The following SUCLG2 variants were observed in gnomAD, a reference collection of about 807,000 sequenced individuals.
SUCLG2 encodes succinate-CoA ligase GDP-forming subunit beta.
In SUCLG2, 42 loss-of-function variants were observed where a neutral mutation model predicts 47.9. The ratio of observed to expected loss-of-function variants is 0.88; its 90% CI spans 0.69 to 1.14. The LOEUF (loss-of-function observed/expected upper bound fraction) is 1.14. SUCLG2 is among the 50% of genes most tolerant of loss of function. The pLI, the probability that SUCLG2 is intolerant of heterozygous loss-of-function variation, is 0.00. For synonymous variants in SUCLG2, 195 were observed against 197.3 expected (o/e 0.99, Z 0.10); for missense variants, 571 against 525.9 (o/e 1.09, Z -0.84).
chr3:67,515,473 G>A (rs1299615609), intron 6 of SUCLG2, among the ~76,000 whole-genome samples: 2 of 152,076 alleles, frequency 1.3e-5, no homozygotes, highest in Non-Finnish European at 2.9e-5. Context: ...CTTTATTTTT[G>A]TTATGTCTAA....
chr3:67,560,047 T>A (rs116430848), intron 2 of SUCLG2, among the ~76,000 whole-genome samples: 1 of 152,138 alleles, frequency 6.6e-6, no homozygotes, highest in Non-Finnish European at 1.5e-5. Flanking sequence ...AAAAATTAAA[T>A]CTTTAAAATA....
intron 1 of SUCLG2, among the ~76,000 whole-genome samples, chr3:67,649,922 G>A (rs950536895): frequency 6.6e-6 from 1 of 152,160 alleles, no homozygotes; most frequent in Admixed American, 6.5e-5. Context: ...TGCAGAACTA[G>A]ACCAGGGTAC....
At chr3:67,652,264 C>CT (rs1314712319) in intron 1 of SUCLG2, among the ~76,000 whole-genome samples, 1 of 151,638 alleles carries the variant, frequency 6.6e-6, no homozygotes, top group Non-Finnish European at 1.5e-5. Flanking sequence ...CTATGGGTAT[C>CT]TTTGAGAGAC....
intron 1 of SUCLG2, among the ~76,000 whole-genome samples, chr3:67,638,914 G>A (rs1320085246): frequency 6.6e-6 from 1 of 152,166 alleles, no homozygotes; most frequent in East Asian, 1.9e-4. Context: ...ATAACCTAGA[G>A]GAAGTCTAAT....
chr3:67,438,970 T>G (rs1703691405), intron 9 of SUCLG2, among the ~76,000 whole-genome samples: 1 of 152,096 alleles, frequency 6.6e-6, no homozygotes, highest in African/African-American at 2.4e-5. Flanking sequence ...ATGATGAACA[T>G]CAATCCAAAT....
chr3:67,462,499 T>C (rs1280669596), intron 9 of SUCLG2, among the ~76,000 whole-genome samples: 1 of 152,170 alleles, frequency 6.6e-6, no homozygotes, highest in East Asian at 1.9e-4. Context: ...TCCAAGAGGA[T>C]GGCGTTCAGG....
chr3:67,529,400 C>G (rs899525920), intron 2 of SUCLG2, among the ~76,000 whole-genome samples: 2 of 152,160 alleles, frequency 1.3e-5, no homozygotes, highest in African/African-American at 4.8e-5. Flanking sequence ...ATGCTTCCTA[C>G]CAGTTTAATC....
At chr3:67,578,034 T>C (rs903578090) in intron 2 of SUCLG2, among the ~76,000 whole-genome samples, 1 of 151,960 alleles carries the variant, frequency 6.6e-6, no homozygotes, top group Non-Finnish European at 1.5e-5. Flanking sequence ...CAGGGGTTTA[T>C]TTTGTATCTT....
chr3:67,506,793 T>A (rs1381256559), intron 7 of SUCLG2, among the ~76,000 whole-genome samples: 1 of 152,234 alleles, frequency 6.6e-6, no homozygotes, highest in African/African-American at 2.4e-5. Context: ...TTTCTTGGAT[T>A]TAATTGTCAA....
intron 4 of SUCLG2, among the ~76,000 whole-genome samples, chr3:67,524,110 C>T (rs990102516): frequency 6.6e-6 from 1 of 152,116 alleles, no homozygotes; most frequent in Non-Finnish European, 1.5e-5. Context: ...GTCATGCCTT[C>T]CAAATGACCG....
chr3:67,572,153 C>T (rs1244247264), intron 2 of SUCLG2, among the ~76,000 whole-genome samples: 1 of 152,194 alleles, frequency 6.6e-6, no homozygotes, highest in Non-Finnish European at 1.5e-5. Flanking sequence ...CCTATCTATG[C>T]ATATTATATC....
chr3:67,605,284 T>C (rs1366504366), intron 2 of SUCLG2, among the ~76,000 whole-genome samples: 1 of 152,220 alleles, frequency 6.6e-6, no homozygotes, highest in African/African-American at 2.4e-5. Flanking sequence ...AATCTTGTGG[T>C]GACAAGAATG....
Position 67,520,535 on chromosome 3 carries a change from C to A in SUCLG2, c.517G>T (p.Gly173Trp), listed in dbSNP as rs757799757. ...GCCACCTCTTCAATGTCGACGCCCC[C>A]CTGGGGGCTGCCCACCAGCACGGGG... ...NGPVLVGSPQ[G>W]GVDIEEVAAS... Residue 173 changes from glycine to tryptophan, a missense_variant, in exon 5 of 11, where the codon GGG becomes TGG. Gly to Trp is a radical substitution (Grantham distance 184). Transcript: ENST00000307227. The A allele has an allele frequency of 2.6e-5, 42 of 1,614,058 alleles. No homozygotes were observed. The highest frequency in any genetic ancestry group is 2.8e-5 in the Non-Finnish European group (33 of 1,180,032).
chr3:67,639,532 A>C (rs1185195447), intron 1 of SUCLG2, among the ~76,000 whole-genome samples: 2 of 150,042 alleles, frequency 1.3e-5, no homozygotes, highest in Non-Finnish European at 2.9e-5. Flanking sequence ...TACTCCCAAG[A>C]GCAGCCCCGG....
chr3:67,440,113 A>C (rs535943044), intron 9 of SUCLG2, among the ~76,000 whole-genome samples: 2 of 152,244 alleles, frequency 1.3e-5, no homozygotes, highest in African/African-American at 4.8e-5. Context: ...CAAACCTGAC[A>C]AAAACAAGCA....
chr3:67,611,714 G>A (rs1380474177), intron 1 of SUCLG2, among the ~76,000 whole-genome samples: 2 of 152,150 alleles, frequency 1.3e-5, no homozygotes, highest in Non-Finnish European at 2.9e-5. Flanking sequence ...GCCACAATGT[G>A]GTTGTGGTCA....
chr3:67,645,229 T>C lies in SUCLG2; in HGVS notation c.84+9274A>G, dbSNP rs182118890. 9.3e-4 allele frequency among the ~76,000 whole-genome samples: 141 copies of C among 152,246 alleles called. 1 individual carries two copies. The highest frequency in any genetic ancestry group is 1.4e-3 in the Admixed American group (22 of 15,290). ...TATTAAAATTATATTTTATACAAAA[T>C]ATAGTCATAAAAGCTATTTTATACT... On this transcript the variant is annotated intron_variant, in intron 1 of 10. Coordinates refer to ENST00000307227, the MANE Select transcript of SUCLG2 (RefSeq NM_003848.4).
intron 9 of SUCLG2, among the ~76,000 whole-genome samples, chr3:67,405,025 G>C (rs930751818): frequency 1.4e-5 from 2 of 145,288 alleles, no homozygotes; most frequent in African/African-American, 2.6e-5. Flanking sequence ...AGTAACCAGA[G>C]ACTCTCCCGG....
downstream of SUCLG2, among the ~76,000 whole-genome samples, chr3:67,372,472 G>A (rs1575653394): frequency 6.6e-6 from 1 of 152,104 alleles, no homozygotes; most frequent in Non-Finnish European, 1.5e-5. Flanking sequence ...TCACTTTGAG[G>A]ATGAGTTAGT....
Sources: gnomAD v4.1 joint callset for allele counts (sites outside exome capture counted in the v4.1 genomes callset) on GRCh38, gnomAD v4.1.1 for gene constraint, MANE v1.5 for transcripts, NCBI Gene and HGNC (gene_info 2026-07-23, HGNC 2026-07-21) for gene names.